The following NSL1 variants were observed in gnomAD, a reference collection of about 807,000 sequenced individuals.
The protein encoded by NSL1 is kinetochore-associated protein NSL1 homolog.
Under a neutral mutation model 25.4 loss-of-function variants are expected in NSL1, and 11 were observed. The ratio of observed to expected loss-of-function variants is 0.43; its 90% CI spans 0.27 to 0.72. NSL1 has a LOEUF of 0.72. NSL1 is among the 30% of genes least tolerant of loss of function. The pLI is 0.19. For missense variants in NSL1, 330 were observed against 342.7 expected (o/e 0.96, Z 0.29); for synonymous variants, 118 against 120.6 (o/e 0.98, Z 0.14).
rs1658258866 is a variant in NSL1, at chr1:212,737,051, A to T, written c.*1357T>A. 1 of 985,336 alleles carries T rather than the reference A, an allele frequency of 1.0e-6. No homozygotes were observed. The highest frequency in any genetic ancestry group is 1.7e-5 in the African/African-American group (1 of 57,250). The allele number at this position is 985,336 out of a possible 1,614,324, so 61.0% of individuals were successfully genotyped here. A position where few individuals can be genotyped will look rare whatever the true frequency, so the allele number is the denominator to read the frequency against. On this transcript the variant is annotated 3_prime_UTR_variant, in exon 6 of 6. Coordinates refer to ENST00000366977, the MANE Select transcript of NSL1 (RefSeq NM_015471.4). ...GCAACATATTATACAGCCTCAAAAC[A>T]GTTTTAAACTGAAGTCTAGTATGTT...
Position 212,790,912 on chromosome 1 carries a change from G to A in NSL1, c.234+618C>T, listed in dbSNP as rs570124517. 3.3e-5 allele frequency among the ~76,000 whole-genome samples: 5 copies of A among 150,422 alleles called. No homozygotes were observed. The East Asian group carries it at 9.7e-4, about 29-fold the overall frequency. ...CACTCCAGCCTGGGCGACAGAGCGA[G>A]ACTCTGTCTCAAAAAAAAAAAATAA... On this transcript the variant is annotated intron_variant, in intron 1 of 5. Coordinates refer to ENST00000366977, the MANE Select transcript of NSL1 (RefSeq NM_015471.4).
At position 212,727,069 on chromosome 1, in the gene NSL1, C is replaced by T; in HGVS notation, c.*11339G>A. ...AGAGGGAGGGCGGGCTCTGGGTCAC[C>T]CAGCTTCATCCTCTTCATCTTGCCA... On this transcript the variant is annotated 3_prime_UTR_variant, in exon 6 of 6. Coordinates refer to ENST00000366977, the MANE Select transcript of NSL1 (RefSeq NM_015471.4). 3.3e-6 allele frequency: 5 copies of T among 1,516,884 alleles called. No homozygotes were observed. The highest frequency in any genetic ancestry group is 4.4e-6 in the Non-Finnish European group (5 of 1,132,260). 94.0% of individuals were successfully genotyped at this position (1,516,884 alleles called of 1,614,324 possible).
intron 4 of NSL1, among the ~76,000 whole-genome samples, chr1:212,764,843 CAAAAAAAAAAAAAAAA>C (rs3086471): frequency 1.0e-4 from 4 of 38,866 alleles, no homozygotes; most frequent in East Asian, 1.0e-3. Context: ...AAGACTGTCT[CAAAAAAAAAAAAAAAA>C]AAAAAAAAAA....
chr1:212,730,619 G>C lies in NSL1; in HGVS notation c.*7789C>G. On this transcript the variant is annotated 3_prime_UTR_variant, in exon 6 of 6. Coordinates refer to ENST00000366977, the MANE Select transcript of NSL1 (RefSeq NM_015471.4). ...AGGCCACCCAGAAGTCAGGGGATGT[G>C]ACCAAAGGAAAAGGTGATCAGAAGG... is the stretch of plus-strand genomic sequence containing the variant. 1.0e-6 allele frequency: 1 copy of C among 985,400 alleles called. No individual in the cohort carries two copies. Among genetic ancestry groups the C allele is most frequent in the South Asian group, 4.7e-5 (1 of 21,280 alleles). The allele number at this position is 985,400 out of a possible 1,614,324, so 61.0% of individuals were successfully genotyped here.
intron 4 of NSL1, among the ~76,000 whole-genome samples, chr1:212,773,938 C>T (rs1003116040): frequency 7.0e-6 from 1 of 143,856 alleles, no homozygotes; most frequent in Non-Finnish European, 1.5e-5. Flanking sequence ...GACAGAAAGA[C>T]AAAAAGAAAA....
chr1:212,742,519 C>T (rs1192437882), intron 4 of NSL1, among the ~76,000 whole-genome samples: 4 of 152,276 alleles, frequency 2.6e-5, no homozygotes, highest in Admixed American at 2.6e-4. Flanking sequence ...AAATTATCCC[C>T]TATAACATGA....
chr1:212,730,695 C>T lies in NSL1; in HGVS notation c.*7713G>A, dbSNP rs1657979010. 2.0e-6 allele frequency: 2 copies of T among 985,290 alleles called. No homozygotes were observed. The highest frequency in any genetic ancestry group is 1.7e-5 in the African/African-American group (1 of 57,208). The allele number at this position is 985,290 out of a possible 1,614,324, so 61.0% of individuals were successfully genotyped here. A position where few individuals can be genotyped will look rare whatever the true frequency, so the allele number is the denominator to read the frequency against. On this transcript the variant is annotated 3_prime_UTR_variant, in exon 6 of 6. Transcript: ENST00000366977. ...GTCACTGAGGGATGTCAATGCCATC[C>T]TCTGCTCTTATGTCCTGCAGGGATA...
In NSL1 at chr1:212,745,160, CTATATATATATATATATATATATATA is replaced by C. The variant is rs59293969; in HGVS notation, c.500-5585_500-5560del. Among the ~76,000 whole-genome samples, 183 of 117,710 alleles carry C rather than the reference CTATATATATATATATATATATATATA, an allele frequency of 1.6e-3. 4 individuals carry two copies. Among genetic ancestry groups the C allele is most frequent in the African/African-American group, 6.9e-3 (171 of 24,750 alleles). 77.2% of individuals were successfully genotyped at this position (117,710 alleles called of 152,430 possible). ...CAAAACAAACAAACAAACAAACAAACTATATATATATATATATATATATATATATATATATATATATATGCATATGC... is the reference window on the plus strand; with the variant it reads ...CAAAACAAACAAACAAACAAACAAACTATATATATATATATATGCATATGC... On this transcript the variant is annotated intron_variant, in intron 4 of 5. Coordinates refer to ENST00000366977, the MANE Select transcript of NSL1 (RefSeq NM_015471.4).
intron 4 of NSL1, among the ~76,000 whole-genome samples, chr1:212,771,535 C>G (rs6687672): frequency 0.19 from 27,946 of 143,446 alleles, 2,996 homozygotes; most frequent in African/African-American, 0.32. Context: ...GGCTTCCAAA[C>G]TGGAAATGAG....
At chr1:212,775,896 C>T (rs1480178675) in intron 4 of NSL1, among the ~76,000 whole-genome samples, 3 of 151,686 alleles carry the variant, frequency 2.0e-5, no homozygotes, top group Admixed American at 6.6e-5. Flanking sequence ...GGCGCGATCT[C>T]GGCTCACTGA....
rs893567527 is a variant in NSL1, at chr1:212,733,876, C to T, written c.*4532G>A. The stretch of plus-strand genomic sequence containing the variant: ...TGCATTATCTCTTTGATAATTTTGA[C>T]TCTGCTGCTTTTTCTGCATGCTATC... On this transcript the variant is annotated 3_prime_UTR_variant, in exon 6 of 6. Transcript: ENST00000366977. Among the ~76,000 whole-genome samples, 15 of 152,178 alleles carry T rather than the reference C, an allele frequency of 9.9e-5. No homozygotes were observed. Among genetic ancestry groups the T allele is most frequent in the Non-Finnish European group, 1.8e-4 (12 of 68,030 alleles).
chr1:212,782,441 A>G lies in NSL1; in HGVS notation c.445-15T>C. 1 of 1,575,610 alleles carries G rather than the reference A, an allele frequency of 6.3e-7. No homozygotes were observed. Among genetic ancestry groups the G allele is most frequent in the Non-Finnish European group, 8.7e-7 (1 of 1,145,288 alleles). ...TGGTACTGCTTCTAAACATAACATA[A>G]ATTAAAACAGATTTAATCACTTAAT... On this transcript the variant is annotated splice_polypyrimidine_tract_variant and intron_variant, in intron 3 of 5. Coordinates refer to ENST00000366977, the MANE Select transcript of NSL1 (RefSeq NM_015471.4).
At chr1:212,770,016 C>G (rs1660028555) in intron 4 of NSL1, among the ~76,000 whole-genome samples, 1 of 151,970 alleles carries the variant, frequency 6.6e-6, no homozygotes, top group Non-Finnish European at 1.5e-5. Flanking sequence ...ATACTCCACA[C>G]AAATGGAAAC....
chr1:212,782,040 T>C (rs144364612), intron 4 of NSL1: 199 of 568,036 alleles, frequency 3.5e-4, no homozygotes, highest in African/African-American at 3.3e-3. Flanking sequence ...TTTAATAGTA[T>C]AGCTTTGGCT....
chr1:212,779,908 C>T (rs1660633130), intron 4 of NSL1, among the ~76,000 whole-genome samples: 1 of 148,964 alleles, frequency 6.7e-6, no homozygotes, highest in Admixed American at 6.6e-5. Flanking sequence ...CCCGAACAGC[C>T]ACCCAGTCCG....
intron 4 of NSL1, among the ~76,000 whole-genome samples, chr1:212,779,168 A>C: frequency 7.0e-6 from 1 of 143,500 alleles, no homozygotes. Context: ...CCGCCCGGCA[A>C]CCACACCGTC....
At chr1:212,791,104 T>C (rs1257265360) in intron 1 of NSL1, among the ~76,000 whole-genome samples, 2 of 151,918 alleles carry the variant, frequency 1.3e-5, no homozygotes, top group Non-Finnish European at 2.9e-5. Context: ...AGCGCTTAAA[T>C]GTAACTAGTT....
chr1:212,742,039 G>A (rs113911278), intron 4 of NSL1, among the ~76,000 whole-genome samples: 3,466 of 151,960 alleles, frequency 0.023, 63 homozygotes, highest in South Asian at 0.041. Flanking sequence ...TATCAGACCC[G>A]ACCCAACACC....
Position 212,737,074 on chromosome 1 carries a change from G to T in NSL1, c.*1334C>A. The T allele has an allele frequency of 1.0e-6, 1 of 985,458 alleles. No homozygotes were observed. Among genetic ancestry groups the T allele is most frequent in the Non-Finnish European group, 1.2e-6 (1 of 829,936 alleles). The allele number at this position is 985,458 out of a possible 1,614,324, so 61.0% of individuals were successfully genotyped here. ...ACAGTTTTAAACTGAAGTCTAGTAT[G>T]TTCAGAAACGCAGGGTGCTGACCCA... is the stretch of plus-strand genomic sequence containing the variant. On this transcript the variant is annotated 3_prime_UTR_variant, in exon 6 of 6. Transcript: ENST00000366977.
Sources: gnomAD v4.1 joint callset for allele counts (sites outside exome capture counted in the v4.1 genomes callset) on GRCh38, gnomAD v4.1.1 for gene constraint, MANE v1.5 for transcripts, NCBI Gene and HGNC (gene_info 2026-07-23, HGNC 2026-07-21) for gene names.